The following PDE4D variants were observed in gnomAD, a reference collection of about 807,000 sequenced individuals.
The protein encoded by PDE4D is phosphodiesterase 4D.
PDE4D carries 24 observed loss-of-function variants against 87.4 expected under a neutral mutation model. The observed-to-expected ratio is 0.27, with a 90% confidence interval of 0.20 to 0.39. PDE4D has a LOEUF of 0.39. PDE4D is among the 10% of genes least tolerant of loss of function. PDE4D has a pLI of 1.00. For missense variants in PDE4D, 714 were observed against 1,041.0 expected, an observed-to-expected ratio of 0.69 and a Z score of 4.32; for synonymous variants, 384 against 383.2, an observed-to-expected ratio of 1.00 and a Z score of -0.02.
intron 1 of PDE4D, among the ~76,000 whole-genome samples, chr5:60,456,352 C>A (rs1333841930): frequency 6.6e-6 from 1 of 152,232 alleles, no homozygotes; most frequent in African/African-American, 2.4e-5. Flanking sequence ...GCCTCTTTCC[C>A]CAGGTTTAAG....
chr5:60,174,773 CT>C (rs1252382434), intron 2 of PDE4D, among the ~76,000 whole-genome samples: 3 of 152,012 alleles, frequency 2.0e-5, no homozygotes, highest in Non-Finnish European at 4.4e-5. Flanking sequence ...GAGAAATTTG[CT>C]GTAATTCTTA....
At chr5:60,375,732 AT>A (rs1257354212) in intron 1 of PDE4D, among the ~76,000 whole-genome samples, 2 of 152,156 alleles carry the variant, frequency 1.3e-5, no homozygotes, top group African/African-American at 4.8e-5. Flanking sequence ...AGTGTATCTA[AT>A]ATCATTTCTT....
chr5:60,163,140 A>G (rs1413168920), intron 2 of PDE4D, among the ~76,000 whole-genome samples: 1 of 152,174 alleles, frequency 6.6e-6, no homozygotes, highest in Non-Finnish European at 1.5e-5. Flanking sequence ...TTTAATTGAA[A>G]GCCTGGGCTA....
At chr5:59,027,656 C>T (rs1180110118) in intron 6 of PDE4D, among the ~76,000 whole-genome samples, 1 of 152,130 alleles carries the variant, frequency 6.6e-6, no homozygotes, top group Non-Finnish European at 1.5e-5. Flanking sequence ...TTTCAGTTTG[C>T]TCTTGCAACT....
chr5:60,006,975 C>T (rs1227134763), intron 2 of PDE4D, among the ~76,000 whole-genome samples: 30 of 151,932 alleles, frequency 2.0e-4, no homozygotes, highest in Non-Finnish European at 1.5e-5. Flanking sequence ...AACTCAAATT[C>T]AGGGCTTTAG....
intron 1 of PDE4D, among the ~76,000 whole-genome samples, chr5:60,370,278 G>A (rs952809668): frequency 9.9e-5 from 15 of 151,960 alleles, no homozygotes; most frequent in African/African-American, 2.7e-4. Flanking sequence ...ACCCCCTTTC[G>A]TTCTTAAAAG....
chr5:60,273,824 A>G (rs1343842332), intron 1 of PDE4D, among the ~76,000 whole-genome samples: 1 of 152,136 alleles, frequency 6.6e-6, no homozygotes, highest in Non-Finnish European at 1.5e-5. Flanking sequence ...GTCTGGGCAC[A>G]CTGAATTTGA....
intron 1 of PDE4D, among the ~76,000 whole-genome samples, chr5:60,347,044 T>C (rs369159348): frequency 3.9e-5 from 6 of 152,078 alleles, no homozygotes; most frequent in African/African-American, 4.8e-5. Context: ...TGTGAACAAA[T>C]AGACAAACAA....
At chr5:59,606,291 C>T (rs1466406737) in intron 1 of PDE4D, among the ~76,000 whole-genome samples, 2 of 152,110 alleles carry the variant, frequency 1.3e-5, no homozygotes, top group Non-Finnish European at 2.9e-5. Flanking sequence ...AACTAATCAG[C>T]TTTCTTCCAC....
chr5:60,078,044 T>C (rs963082172), intron 2 of PDE4D, among the ~76,000 whole-genome samples: 6 of 152,170 alleles, frequency 3.9e-5, no homozygotes, highest in African/African-American at 1.4e-4. Context: ...GTCTTTCTGA[T>C]GTCCCAGTCC....
chr5:59,789,134 G>A (rs565787240), intron 1 of PDE4D, among the ~76,000 whole-genome samples: 37 of 152,146 alleles, frequency 2.4e-4, no homozygotes, highest in African/African-American at 8.2e-4. Flanking sequence ...TGAGAGAAGC[G>A]TCTCCCAAAC....
chr5:60,449,069 G>GTGCA lies in PDE4D; in HGVS notation c.-90+38872_-90+38873insTGCA, dbSNP rs1269583609. Among the ~76,000 whole-genome samples the GTGCA allele has an allele frequency of 1.0e-4, 7 of 69,780 alleles. No individual in the cohort carries two copies. The East Asian group carries it at 1.8e-3, about 18-fold the overall frequency. 45.8% of individuals were successfully genotyped at this position (69,780 alleles called of 152,430 possible). A position where few individuals can be genotyped will look rare whatever the true frequency, so the allele number is the denominator to read the frequency against. On this transcript the variant is annotated intron_variant, in intron 1 of 16. Coordinates refer to the PDE4D transcript ENST00000502484. Reference sequence around the variant, plus strand: ...CCTTCACCCACCCCCCCAACTGCCCGCGCACACACACACACACACACACAC... The same window carrying GTGCA: ...CCTTCACCCACCCCCCCAACTGCCCGTGCACGCACACACACACACACACACACAC...
At chr5:60,210,617 C>A (rs1743088307) in intron 1 of PDE4D, among the ~76,000 whole-genome samples, 1 of 152,046 alleles carries the variant, frequency 6.6e-6, no homozygotes, top group Non-Finnish European at 1.5e-5. Context: ...AGGATACACC[C>A]CCCTCCCCAA....
At chr5:59,327,108 C>T (rs17780836) in intron 1 of PDE4D, among the ~76,000 whole-genome samples, 18,407 of 142,670 alleles carry the variant, frequency 0.13, 1,396 homozygotes, top group South Asian at 0.22. Context: ...TCTGCTGTCT[C>T]ATATGTTAAT....
At chr5:59,582,519 T>C (rs959137020) in intron 1 of PDE4D, among the ~76,000 whole-genome samples, 2 of 152,208 alleles carry the variant, frequency 1.3e-5, no homozygotes, top group African/African-American at 4.8e-5. Context: ...TAAACACATA[T>C]ACATGCAAAT....
In PDE4D at chr5:59,288,816, A is replaced by T. The variant is rs182748747; in HGVS notation, c.456-72848T>A. Among the ~76,000 whole-genome samples the T allele has an allele frequency of 1.5e-3, 223 of 152,280 alleles. 5 individuals carry two copies. The highest frequency in any genetic ancestry group is 0.013 in the Admixed American group (193 of 15,294). ...TATTCACAGTGCTAAAGGGAAAAAAACTTTTATCTCAGGCTAGTATATCCT... is the reference window on the plus strand; with the variant it reads ...TATTCACAGTGCTAAAGGGAAAAAATCTTTTATCTCAGGCTAGTATATCCT... On this transcript the variant is annotated intron_variant, in intron 1 of 14. Transcript: ENST00000340635.
intron 2 of PDE4D, among the ~76,000 whole-genome samples, chr5:60,071,559 A>T (rs1185787022): frequency 5.3e-5 from 8 of 152,118 alleles, no homozygotes; most frequent in African/African-American, 1.7e-4. Context: ...ATCTTTTTCC[A>T]TTGGCCAGTA....
intron 1 of PDE4D, among the ~76,000 whole-genome samples, chr5:59,385,552 T>G (rs1786799684): frequency 1.3e-5 from 2 of 152,166 alleles, no homozygotes; most frequent in South Asian, 4.1e-4. Flanking sequence ...GCATTCATGA[T>G]GCTGACTCTT....
At chr5:60,427,124 G>A (rs569138896) in intron 1 of PDE4D, among the ~76,000 whole-genome samples, 1 of 152,266 alleles carries the variant, frequency 6.6e-6, no homozygotes, top group Admixed American at 6.5e-5. Context: ...AGAAAAGCGA[G>A]TGAGAATGGG....
Sources: allele counts gnomAD v4.1 joint callset (sites outside exome capture counted in the v4.1 genomes callset), GRCh38; gene constraint gnomAD v4.1.1; transcripts MANE v1.5; gene names NCBI Gene and HGNC (gene_info 2026-07-23, HGNC 2026-07-21).